The following PPP1R12C variants were observed in gnomAD, a reference collection of about 807,000 sequenced individuals.
PPP1R12C encodes the protein leukocyte receptor cluster (LRC) encoded novel gene 3.
In PPP1R12C, 48 loss-of-function variants were observed where a neutral mutation model predicts 95.6. That is an observed-to-expected ratio of 0.50 (90% CI 0.40 to 0.64). The LOEUF is 0.64. Among genes scored for constraint, PPP1R12C ranks in the 30% least tolerant of loss-of-function variants. The probability of loss-of-function intolerance (pLI) is 0.00; values close to 1 mark genes in which losing one functional copy is unlikely to be tolerated. For synonymous variants in PPP1R12C, 480 were observed against 460.8 expected, an observed-to-expected ratio of 1.04 and a Z score of -0.53; for missense variants, 1,057 against 1,083.3, an observed-to-expected ratio of 0.98 and a Z score of 0.34.
At chr19:55,106,549 A>G (rs112198193) in intron 3 of PPP1R12C, among the ~76,000 whole-genome samples, 3,697 of 152,270 alleles carry the variant, frequency 0.024, 126 homozygotes, top group African/African-American at 0.084. Context: ...GCTGACTTGG[A>G]TGCTGGAATT....
In PPP1R12C at chr19:55,112,679, G is replaced by A. The variant is rs765844629; in HGVS notation, c.438C>T (p.Tyr146=). The stretch of plus-strand genomic sequence containing the variant: ...CCTTGCCTCACCTGGCGATATCTAG[G>A]TAGCCACAGGAGGCGGCCACGTGCA... ...TPLHVAASCG[Y]LDIARYLLSH... Residue 146 remains tyrosine (Y), a synonymous_variant, in exon 2 of 22, where the codon TAC becomes TAT. Transcript: ENST00000263433. 11 of 1,613,850 alleles carry A rather than the reference G, an allele frequency of 6.8e-6. No individual in the cohort carries two copies. The Admixed American group carries it at 1.8e-4, about 27-fold the overall frequency.
In PPP1R12C at chr19:55,094,524, G is replaced by A. The variant is rs1333840951; in HGVS notation, c.1593-89C>T. On this transcript the variant is annotated intron_variant, in intron 12 of 21. Transcript: ENST00000263433. ...ACCCTCCGCGGGAAGCAAGTTCTGTGGGAGGGGACTCCAACTCCCAGCAGA... is the reference window on the plus strand; with the variant it reads ...ACCCTCCGCGGGAAGCAAGTTCTGTAGGAGGGGACTCCAACTCCCAGCAGA... 5 of 1,586,530 alleles carry A rather than the reference G, an allele frequency of 3.2e-6. No individual in the cohort carries two copies. The Admixed American group carries it at 8.7e-5, about 27-fold the overall frequency.
At chr19:55,105,043 T>G (rs538285159) in intron 3 of PPP1R12C, among the ~76,000 whole-genome samples, 2 of 150,106 alleles carry the variant, frequency 1.3e-5, no homozygotes, top group Non-Finnish European at 3.0e-5. Context: ...GTGCTGAAAT[T>G]ACAGGCAGGA....
intron 4 of PPP1R12C, among the ~76,000 whole-genome samples, chr19:55,101,418 C>T (rs1170170245): frequency 6.6e-6 from 1 of 152,198 alleles, no homozygotes; most frequent in Non-Finnish European, 1.5e-5. Flanking sequence ...ACACAGGCCC[C>T]CTGGCCGGAC....
rs201023615 is a variant in PPP1R12C at position 55,091,448 on chromosome 19, C to T, written c.*24G>A. 3.6e-5 allele frequency: 58 copies of T among 1,599,274 alleles called. No homozygotes were observed. Among genetic ancestry groups the T allele is most frequent in the Non-Finnish European group, 4.8e-5 (56 of 1,167,170 alleles). On this transcript the variant is annotated 3_prime_UTR_variant, in exon 22 of 22. Coordinates refer to ENST00000263433, the MANE Select transcript of PPP1R12C (RefSeq NM_017607.4). ...TGTGGCAGAAGCAGCTGTATAAATACGGGTGCGGGAAAGTCCCTCCGGGTC... is the reference window on the plus strand; with the variant it reads ...TGTGGCAGAAGCAGCTGTATAAATATGGGTGCGGGAAAGTCCCTCCGGGTC...
In PPP1R12C at chr19:55,112,463, C is replaced by T. The variant is rs751029094; in HGVS notation, c.571+4G>A. The T allele has an allele frequency of 1.4e-5, 23 of 1,609,562 alleles. No individual in the cohort carries two copies. Among genetic ancestry groups the T allele is most frequent in the Admixed American group, 3.3e-5 (2 of 59,920 alleles). ...CACCCCACACACAGCACACCAGAGCCCACCTCGGCGGGCGATCTCCGCCTT... is the reference window on the plus strand; with the variant it reads ...CACCCCACACACAGCACACCAGAGCTCACCTCGGCGGGCGATCTCCGCCTT... On this transcript the variant is annotated splice_donor_region_variant and intron_variant, in intron 3 of 21. Coordinates refer to ENST00000263433, the MANE Select transcript of PPP1R12C (RefSeq NM_017607.4).
intron 3 of PPP1R12C, chr19:55,112,124 C>T (rs1179638546): frequency 1.3e-5 from 3 of 222,664 alleles, no homozygotes; most frequent in Non-Finnish European, 2.7e-5. Flanking sequence ...CCCAGAAAGA[C>T]CTGCGGCAGG....
chr19:55,095,681 G>T (rs902780995), intron 9 of PPP1R12C, 78 bp from the exon 10 acceptor site: 9 of 1,502,404 alleles, frequency 6.0e-6, no homozygotes, highest in Middle Eastern at 1.8e-4. Context: ...CCAAAGGACT[G>T]CAACAAACTA....
chr19:55,098,390 C>A (rs1029100784), intron 6 of PPP1R12C, among the ~76,000 whole-genome samples: 2 of 152,238 alleles, frequency 1.3e-5, no homozygotes, highest in Non-Finnish European at 2.9e-5. Context: ...TAAGTTTTCC[C>A]AGCAAGGCTG....
chr19:55,094,973 C>T, intron 11 of PPP1R12C, 175 bp from the exon 12 acceptor site: 1 of 796,918 alleles, frequency 1.3e-6, no homozygotes, highest in Admixed American at 2.3e-5. Flanking sequence ...CGCAACCGGT[C>T]AGAAGGATAA....
In PPP1R12C at chr19:55,112,601, G is replaced by A; in HGVS notation, c.453-16C>T. ...CAGGAGGTACCTGGGGGTGGGGGCT[G>A]GTCAGGGCTGAGGGTCCAGGCCCCC... On this transcript the variant is annotated splice_polypyrimidine_tract_variant and intron_variant, in intron 2 of 21. Transcript: ENST00000263433. 6.2e-7 allele frequency: 1 copy of A among 1,612,494 alleles called. No individual in the cohort carries two copies. The highest frequency in any genetic ancestry group is 1.3e-5 in the African/African-American group (1 of 74,870).
At chr19:55,114,952 AG>A (rs2085138003) in intron 1 of PPP1R12C, 1 of 152,200 alleles carries the variant, frequency 6.6e-6, no homozygotes, top group Admixed American at 6.5e-5. Context: ...GAACCCCTGT[AG>A]GGAAGGGGCA....
Position 55,117,417 on chromosome 19 carries a change from G to A in PPP1R12C, c.127C>T (p.Arg43Cys), listed in dbSNP as rs2147220597. ...AGAEPGPGER[R>C]ARTVRFERAA... ...CGCTCGAAGCGGACGGTGCGGGCGC[G>A]GCGCTCTCCGGGGCCAGGCTCGGCG... The change falls in exon 1 of 22, where the codon CGC becomes TGC. Residue 43 changes from arginine (R) to cysteine (C), a missense_variant. Arg to Cys is a radical substitution (Grantham distance 180). Coordinates refer to ENST00000263433, the MANE Select transcript of PPP1R12C (RefSeq NM_017607.4). 2.0e-6 allele frequency: 2 copies of A among 1,013,990 alleles called. No individual in the cohort carries two copies. The highest frequency in any genetic ancestry group is 5.9e-5 in the Admixed American group (1 of 16,938). The allele number at this position is 1,013,990 out of a possible 1,614,324, so 62.8% of individuals were successfully genotyped here.
At chr19:55,092,402 A>ACC in intron 18 of PPP1R12C, 40 bp downstream of exon 18, 1 of 1,577,888 alleles carries the variant, frequency 6.3e-7, no homozygotes, top group Non-Finnish European at 8.6e-7. Context: ...GAAGCTGGGC[A>ACC]CCCAGCAGGC....
At chr19:55,092,729 G>C in intron 16 of PPP1R12C, 54 bp downstream of exon 16, 1 of 1,531,512 alleles carries the variant, frequency 6.5e-7, no homozygotes, top group South Asian at 1.2e-5. Context: ...GAAGGGCTTT[G>C]CCCGCCCCCC....
chr19:55,101,644 AG>A (rs2084980490), intron 4 of PPP1R12C, among the ~76,000 whole-genome samples: 1 of 152,220 alleles, frequency 6.6e-6, no homozygotes, highest in African/African-American at 2.4e-5. Context: ...CCCAGGACTC[AG>A]GGGTGGAAGC....
rs113958790 is a variant in PPP1R12C at position 55,097,680 on chromosome 19, G to A, written c.951+1104C>T. Among the ~76,000 whole-genome samples the A allele has an allele frequency of 9.4e-4, 132 of 140,080 alleles. 2 individuals carry two copies. Among genetic ancestry groups the A allele is most frequent in the Non-Finnish European group, 1.8e-3 (118 of 64,228 alleles). 91.9% of individuals were successfully genotyped at this position (140,080 alleles called of 152,430 possible). Reference sequence around the variant, plus strand: ...TCACCACCGTCTTCGCCCCTTCCCCGCGCAGTTCACCACCGTCTTCACACC... The same window carrying A: ...TCACCACCGTCTTCGCCCCTTCCCCACGCAGTTCACCACCGTCTTCACACC... On this transcript the variant is annotated intron_variant, in intron 6 of 21. Transcript: ENST00000263433.
intron 6 of PPP1R12C, chr19:55,096,882 G>A (rs1455850933): frequency 1.5e-5 from 3 of 197,582 alleles, no homozygotes; most frequent in African/African-American, 9.3e-5. Context: ...CCCCTTCCCC[G>A]CAGTTCACCA....
chr19:55,095,048 G>A (rs1602975175), intron 11 of PPP1R12C: 4 of 675,600 alleles, frequency 5.9e-6, no homozygotes, highest in Non-Finnish European at 1.0e-5. Context: ...TGCGGACGGC[G>A]CCGTGGTGGC....
Sources: gnomAD v4.1 joint callset for allele counts (sites outside exome capture counted in the v4.1 genomes callset) on GRCh38, gnomAD v4.1.1 for gene constraint, MANE v1.5 for transcripts, NCBI Gene and HGNC (gene_info 2026-07-23, HGNC 2026-07-21) for gene names.